The following PATJ variants were observed in gnomAD, a reference collection of about 807,000 sequenced individuals.
The protein encoded by PATJ is PATJ crumbs cell polarity complex component.
A neutral mutation model predicts 224.9 loss-of-function variants in PATJ; 190 were observed. The ratio of observed to expected loss-of-function variants is 0.84; its 90% confidence interval spans 0.75 to 0.95. PATJ has a LOEUF of 0.95. PATJ is among the 40% of genes least tolerant of loss of function. The pLI, the probability that PATJ is intolerant of heterozygous loss-of-function variation, is 0.00. For missense variants in PATJ, 2,121 were observed against 2,270.3 expected, an observed-to-expected ratio of 0.93 and a Z score of 1.34; for synonymous variants, 769 against 820.3, an observed-to-expected ratio of 0.94 and a Z score of 1.07.
chr1:62,022,139 G>C (rs1359681450), intron 29 of PATJ, among the ~76,000 whole-genome samples: 3 of 152,148 alleles, frequency 2.0e-5, no homozygotes, highest in Non-Finnish European at 2.9e-5. Flanking sequence ...AAAATATGCT[G>C]CAGGCAACAT....
intron 34 of PATJ, among the ~76,000 whole-genome samples, chr1:62,111,383 A>G (rs1306588193): frequency 1.3e-5 from 2 of 152,236 alleles, no homozygotes; most frequent in African/African-American, 4.8e-5. Flanking sequence ...GTGAATGATC[A>G]TGCTGAGAGG....
intron 17 of PATJ, among the ~76,000 whole-genome samples, chr1:61,853,931 G>A (rs1368117841): frequency 6.6e-6 from 1 of 152,078 alleles, no homozygotes; most frequent in African/African-American, 2.4e-5. Context: ...CTCTTGACTC[G>A]GGGGTAGAAA....
At chr1:61,837,323 C>T (rs1026555565) in intron 17 of PATJ, among the ~76,000 whole-genome samples, 1 of 152,170 alleles carries the variant, frequency 6.6e-6, no homozygotes, top group African/African-American at 2.4e-5. Flanking sequence ...AATTCTTTAA[C>T]TCTCTAGTTA....
intron 30 of PATJ, among the ~76,000 whole-genome samples, chr1:62,044,634 T>C (rs1211930221): frequency 6.6e-6 from 1 of 152,160 alleles, no homozygotes; most frequent in Non-Finnish European, 1.5e-5. Flanking sequence ...TTCTTAGAAG[T>C]TGTGTTTTTT....
At chr1:61,833,883 A>G (rs890102999) in intron 17 of PATJ, 98 bp downstream of exon 17, 18 of 1,056,064 alleles carry the variant, frequency 1.7e-5, no homozygotes, top group Non-Finnish European at 2.2e-5. Flanking sequence ...TGACTTAAGC[A>G]AAACTGAATC....
chr1:62,078,440 G>A (rs147552205), intron 31 of PATJ, among the ~76,000 whole-genome samples: 1,551 of 152,040 alleles, frequency 0.01, 24 homozygotes, highest in African/African-American at 0.036. Context: ...GCATCACCAC[G>A]CCTGGCTAAT....
chr1:61,858,301 C>T (rs1407725741), intron 18 of PATJ, among the ~76,000 whole-genome samples: 1 of 152,130 alleles, frequency 6.6e-6, no homozygotes, highest in Admixed American at 6.5e-5. Flanking sequence ...CTCACTCCGT[C>T]ATCCAAGCTG....
rs747090277 is a variant in PATJ at position 61,762,875 on chromosome 1, T to C, written c.-18T>C. 2 of 1,510,836 alleles carry C rather than the reference T, an allele frequency of 1.3e-6. No homozygotes were observed. The highest frequency in any genetic ancestry group is 1.8e-6 in the Non-Finnish European group (2 of 1,103,744). 93.6% of individuals were successfully genotyped at this position (1,510,836 alleles called of 1,614,324 possible). On this transcript the variant is annotated 5_prime_UTR_variant, in exon 2 of 44. Transcript: ENST00000642238. ...TTCTTTAGGTGTCTTTAAGAGTGAT[T>C]GAAGAGAATAATTCAAAATGCCTGA... is the stretch of plus-strand genomic sequence containing the variant.
chr1:62,109,035 G>A (rs1663479415), intron 34 of PATJ, among the ~76,000 whole-genome samples: 1 of 152,114 alleles, frequency 6.6e-6, no homozygotes. Context: ...ACTAAAAATT[G>A]AAATGCTTAA....
intron 43 of PATJ, among the ~76,000 whole-genome samples, chr1:62,153,955 G>A (rs1267844002): frequency 2.0e-5 from 3 of 152,154 alleles, no homozygotes; most frequent in African/African-American, 7.2e-5. Flanking sequence ...CCAGGCTGGA[G>A]TGCAATGGCT....
intron 42 of PATJ, among the ~76,000 whole-genome samples, chr1:62,149,631 C>G (rs1417321125): frequency 3.3e-5 from 5 of 151,028 alleles, no homozygotes; most frequent in African/African-American, 1.2e-4. Context: ...AAATCAGGAC[C>G]TTTATAGGAA....
chr1:62,081,331 C>T (rs1659253515), intron 32 of PATJ, among the ~76,000 whole-genome samples: 1 of 152,138 alleles, frequency 6.6e-6, no homozygotes, highest in African/African-American at 2.4e-5. Context: ...AAATTTTATT[C>T]ATTTACTCAT....
At chr1:62,096,122 G>T (rs1305664366) in intron 33 of PATJ, among the ~76,000 whole-genome samples, 1 of 152,064 alleles carries the variant, frequency 6.6e-6, no homozygotes. Flanking sequence ...CCACAAAAAG[G>T]GTTCTTGTTT....
chr1:62,152,331 A>T (rs1324778687), intron 42 of PATJ, among the ~76,000 whole-genome samples: 1 of 148,032 alleles, frequency 6.8e-6, no homozygotes, highest in East Asian at 1.9e-4. Flanking sequence ...TTCCTGCCTT[A>T]GGTGGAAGTG....
intron 41 of PATJ, among the ~76,000 whole-genome samples, chr1:62,135,677 C>T (rs1381873939): frequency 6.6e-6 from 1 of 152,120 alleles, no homozygotes; most frequent in South Asian, 2.1e-4. Flanking sequence ...AGTTTGAATC[C>T]TTTTACTAAA....
At chr1:61,931,711 C>T (rs567897677) in intron 27 of PATJ, among the ~76,000 whole-genome samples, 1 of 152,292 alleles carries the variant, frequency 6.6e-6, no homozygotes, top group Non-Finnish European at 1.5e-5. Flanking sequence ...TTTCAGTGAG[C>T]CAAAATCATG....
At chr1:61,783,857 C>T (rs1345497255) in intron 7 of PATJ, among the ~76,000 whole-genome samples, 1 of 150,486 alleles carries the variant, frequency 6.6e-6, no homozygotes, top group African/African-American at 2.4e-5. Context: ...AAGTCTTGTG[C>T]CTCAGCCTCC....
At chr1:61,812,927 G>A (rs1199669680) in intron 14 of PATJ, among the ~76,000 whole-genome samples, 3 of 152,100 alleles carry the variant, frequency 2.0e-5, no homozygotes, top group Non-Finnish European at 4.4e-5. Context: ...TTATCCTGGT[G>A]GAACCTGAAC....
At chr1:61,779,758 A>T (rs1647141824) in intron 7 of PATJ, among the ~76,000 whole-genome samples, 1 of 152,178 alleles carries the variant, frequency 6.6e-6, no homozygotes, top group African/African-American at 2.4e-5. Context: ...GAAATATCTG[A>T]GGATGGGTAA....
Sources: gnomAD v4.1 joint callset for allele counts (sites outside exome capture counted in the v4.1 genomes callset) on GRCh38, gnomAD v4.1.1 for gene constraint, MANE v1.5 for transcripts, NCBI Gene and HGNC (gene_info 2026-07-23, HGNC 2026-07-21) for gene names.